The following EFCC1 variants were observed in gnomAD, a reference collection of about 807,000 sequenced individuals.
EFCC1 encodes the protein EF-hand and coiled-coil domain-containing protein 1.
A neutral mutation model predicts 52.1 loss-of-function variants in EFCC1; 50 were observed. That is an observed-to-expected ratio of 0.96 (90% CI 0.76 to 1.21). The LOEUF (loss-of-function observed/expected upper bound fraction) is 1.21. Among genes scored for constraint, EFCC1 ranks in the 50% most tolerant of loss-of-function variants. The pLI, the probability that EFCC1 is intolerant of heterozygous loss-of-function variation, is 0.00. For missense variants in EFCC1, 837 were observed against 867.3 expected, an observed-to-expected ratio of 0.97 and a Z score of 0.44; for synonymous variants, 399 against 396.5, an observed-to-expected ratio of 1.01 and a Z score of -0.08.
intron 7 of EFCC1, 57 bp from the exon 8 acceptor site, chr3:129,039,655 C>T: frequency 1.3e-6 from 2 of 1,521,358 alleles, no homozygotes. Flanking sequence ...GACAGTGGCT[C>T]TGTGGGTGAA....
intron 2 of EFCC1, among the ~76,000 whole-genome samples, chr3:129,026,741 A>G (rs1946125217): frequency 6.6e-6 from 1 of 151,988 alleles, no homozygotes; most frequent in Non-Finnish European, 1.5e-5. Context: ...GAGTAGGGAG[A>G]TACTGGCACC....
intron 6 of EFCC1, 132 bp downstream of exon 6, chr3:129,037,249 GAA>G: frequency 9.3e-6 from 12 of 1,295,522 alleles, no homozygotes; most frequent in Non-Finnish European, 1.2e-5. Flanking sequence ...TACAGATGCA[GAA>G]ATGGAGGCTC....
At chr3:129,018,923 T>A (rs1945708870) in intron 2 of EFCC1, among the ~76,000 whole-genome samples, 1 of 152,148 alleles carries the variant, frequency 6.6e-6, no homozygotes, top group Non-Finnish European at 1.5e-5. Flanking sequence ...TTCTGGCTGC[T>A]TTTCCCCTCT....
At chr3:129,022,549 A>T (rs1945904118) in intron 2 of EFCC1, among the ~76,000 whole-genome samples, 1 of 152,206 alleles carries the variant, frequency 6.6e-6, no homozygotes, top group South Asian at 2.1e-4. Context: ...AGCCTCCAGC[A>T]GGAGGAAGAC....
In EFCC1 at chr3:129,002,290, T is replaced by G; in HGVS notation, c.662T>G (p.Leu221Arg). ...RELVEDLRAA[L>R]QSSDARCLAL... ...TTGGTGGAGGACCTGCGCGCCGCGCTGCAGAGCAGTGATGCGCGCTGCCTA... is the reference window on the plus strand; with the variant it reads ...TTGGTGGAGGACCTGCGCGCCGCGCGGCAGAGCAGTGATGCGCGCTGCCTA... The change falls in exon 1 of 8, where the codon CTG becomes CGG. Residue 221 changes from leucine to arginine, a missense_variant. By Grantham distance (102) the Leu-to-Arg change is moderately radical (BLOSUM62 -2). Coordinates refer to ENST00000683648, the MANE Select transcript of EFCC1 (RefSeq NM_001377500.1). The G allele has an allele frequency of 6.5e-7, 1 of 1,527,224 alleles. No individual in the cohort carries two copies. Among genetic ancestry groups the G allele is most frequent in the Non-Finnish European group, 8.7e-7 (1 of 1,143,474 alleles). 94.6% of individuals were successfully genotyped at this position (1,527,224 alleles called of 1,614,324 possible).
At chr3:129,004,112 C>T (rs1304872550) in intron 2 of EFCC1, 35 bp downstream of exon 2, 2 of 1,458,044 alleles carry the variant, frequency 1.4e-6, no homozygotes, top group South Asian at 1.3e-5. Flanking sequence ...CCCAAGTTCC[C>T]CAATTCGGCT....
chr3:129,019,851 C>T lies in EFCC1; in HGVS notation c.981-10852C>T, dbSNP rs150880197. Among the ~76,000 whole-genome samples, 98 of 149,144 alleles carry T rather than the reference C, an allele frequency of 6.6e-4. 1 individual carries two copies. Among genetic ancestry groups the T allele is most frequent in the African/African-American group, 2.3e-3 (93 of 40,700 alleles). On this transcript the variant is annotated intron_variant, in intron 2 of 7. Coordinates refer to ENST00000683648, the MANE Select transcript of EFCC1 (RefSeq NM_001377500.1). ...TGGTATGATCTCAGCTCACTGCAACCTCCACCTCCCAGATTCAAGCGATTC... is the reference window on the plus strand; with the variant it reads ...TGGTATGATCTCAGCTCACTGCAACTTCCACCTCCCAGATTCAAGCGATTC...
chr3:129,004,262 T>C (rs1050972964), intron 2 of EFCC1, among the ~76,000 whole-genome samples, 185 bp downstream of exon 2: 2 of 152,192 alleles, frequency 1.3e-5, no homozygotes, highest in African/African-American at 4.8e-5. Context: ...GCTCCATTGC[T>C]TGCTCTGCAA....
chr3:129,002,475 A>G (rs1944837703), intron 1 of EFCC1, 151 bp downstream of exon 1: 1 of 1,354,244 alleles, frequency 7.4e-7, no homozygotes, highest in South Asian at 1.7e-5. Flanking sequence ...GCACACTTGC[A>G]TCTTGCCCCT....
rs1484004313 is a variant in EFCC1 at position 129,010,208 on chromosome 3, G to T, written c.980+6131G>T. ...GTCCCCCTTCAGTCCTCAGTAGAAG[G>T]TCTCTGGTGGGTTTGTGACATCTCG... On this transcript the variant is annotated intron_variant, in intron 2 of 7. Transcript: ENST00000683648. The surrounding 1 kb of genome is among the most constrained non-coding windows in gnomAD (Gnocchi z 4.3). Among the ~76,000 whole-genome samples the T allele has an allele frequency of 6.6e-6, 1 of 152,234 alleles. No homozygotes were observed.
intron 2 of EFCC1, among the ~76,000 whole-genome samples, chr3:129,029,753 T>G (rs1056066776): frequency 2.6e-5 from 4 of 151,624 alleles, no homozygotes; most frequent in African/African-American, 9.7e-5. Flanking sequence ...CCCAGCTAAT[T>G]TTTATATTTT....
chr3:129,039,586 G>A, intron 7 of EFCC1, 126 bp from the exon 8 acceptor site: 4 of 1,419,280 alleles, frequency 2.8e-6, no homozygotes, highest in Non-Finnish European at 3.8e-6. Flanking sequence ...GAGCGAGGAA[G>A]CTGGGCAGGG....
chr3:129,009,940 T>G (rs917839841), intron 2 of EFCC1, among the ~76,000 whole-genome samples: 2 of 152,116 alleles, frequency 1.3e-5, no homozygotes, highest in African/African-American at 4.8e-5. Context: ...CAGAAAAAGA[T>G]TGTTATCCCC....
intron 2 of EFCC1, among the ~76,000 whole-genome samples, chr3:129,022,026 G>C (rs949524400): frequency 1.3e-5 from 2 of 152,226 alleles, no homozygotes; most frequent in South Asian, 2.1e-4. Flanking sequence ...GGCCGGGGCA[G>C]GCGCAGAGCT....
chr3:129,032,070 G>A (rs2107936191), intron 3 of EFCC1, among the ~76,000 whole-genome samples: 1 of 152,300 alleles, frequency 6.6e-6, no homozygotes, highest in Non-Finnish European at 1.5e-5. Context: ...CAGGCTTCCT[G>A]ATGCTGACAC....
chr3:129,004,121 C>T, intron 2 of EFCC1, 44 bp downstream of exon 2: 1 of 1,422,886 alleles, frequency 7.0e-7, no homozygotes, highest in Non-Finnish European at 9.2e-7. Context: ...CCCAATTCGG[C>T]TCCCATTTTC....
At chr3:129,036,891 C>T (rs1946360272) in intron 5 of EFCC1, 86 bp from the exon 6 acceptor site, 6 of 1,600,918 alleles carry the variant, frequency 3.7e-6, no homozygotes, top group South Asian at 1.1e-5. Flanking sequence ...TCAGCACCAG[C>T]CTCGGGGAGA....
At chr3:129,016,704 T>A (rs1307534188) in intron 2 of EFCC1, among the ~76,000 whole-genome samples, 1 of 152,022 alleles carries the variant, frequency 6.6e-6, no homozygotes, top group East Asian at 2.0e-4. Flanking sequence ...ACTTCTCTGG[T>A]CAAACCCTGA....
intron 2 of EFCC1, among the ~76,000 whole-genome samples, chr3:129,018,378 A>C (rs907288737): frequency 6.6e-6 from 1 of 152,266 alleles, no homozygotes; most frequent in Non-Finnish European, 1.5e-5. Context: ...CTAGGAAAAA[A>C]CTAAAAAAGG....
Sources: allele counts gnomAD v4.1 joint callset (sites outside exome capture counted in the v4.1 genomes callset), GRCh38; gene constraint gnomAD v4.1.1; non-coding constraint Gnocchi (gnomAD v3.1); transcripts MANE v1.5; gene names NCBI Gene and HGNC (gene_info 2026-07-23, HGNC 2026-07-21).